C2orf78: variants seen among roughly 807,000 people sequenced by gnomAD.
The protein encoded by C2orf78 is uncharacterized protein C2orf78.
In C2orf78, 12 loss-of-function variants were observed where a neutral mutation model predicts 21.4. The observed-to-expected ratio is 0.56, with a 90% CI of 0.36 to 0.91. The LOEUF is 0.91. Ranked by LOEUF, C2orf78 falls within the 40% of genes least tolerant of loss-of-function variation. The pLI is 0.01. For synonymous variants in C2orf78, 396 were observed against 413.9 expected (o/e 0.96, Z 0.52); for missense variants, 1,042 against 1,092.4 (o/e 0.95, Z 0.65).
intron 2 of C2orf78, 60 bp downstream of exon 2, chr2:73,814,286 T>C: frequency 1.3e-6 from 2 of 1,498,456 alleles, no homozygotes; most frequent in Non-Finnish European, 1.8e-6. Flanking sequence ...GAGGGTCAAA[T>C]CTGTAGCGAG....
At chr2:73,809,409 G>A (rs1370969130) in intron 1 of C2orf78, among the ~76,000 whole-genome samples, 1 of 151,848 alleles carries the variant, frequency 6.6e-6, no homozygotes, top group Non-Finnish European at 1.5e-5. Context: ...TGTAATCTCA[G>A]CACTTTGGGA....
intron 1 of C2orf78, among the ~76,000 whole-genome samples, chr2:73,807,959 T>C (rs964672466): frequency 6.6e-6 from 1 of 151,016 alleles, no homozygotes. Context: ...CTTTGGCCCT[T>C]AAAATCGGCA....
intron 1 of C2orf78, among the ~76,000 whole-genome samples, chr2:73,810,342 A>G (rs7419346): frequency 0.57 from 85,802 of 151,376 alleles, 25,716 homozygotes; most frequent in East Asian, 0.7. Flanking sequence ...AGCCTGACCA[A>G]CATGGAGAAA....
intron 1 of C2orf78, among the ~76,000 whole-genome samples, chr2:73,812,666 G>A (rs1446962123): frequency 6.6e-6 from 1 of 152,090 alleles, no homozygotes; most frequent in Non-Finnish European, 1.5e-5. Flanking sequence ...GCCAGGCAGA[G>A]TGGCTGCCTG....
chr2:73,816,432 C>A lies in C2orf78; in HGVS notation c.2209C>A (p.Arg737=), dbSNP rs200098199. 1.2e-5 allele frequency: 20 copies of A among 1,613,928 alleles called. No homozygotes were observed. The African/African-American group carries it at 2.5e-4, about 20-fold the overall frequency. Residue 737 remains arginine (R), a synonymous_variant, in exon 3 of 3, where the codon CGG becomes AGG. Transcript: ENST00000409561. Reference sequence around the variant, plus strand: ...ACCTCAAGCTCGACATGTTTCTCGGCGGCCAAACCCTCTAGCCTCACGTAG... The same window carrying A: ...ACCTCAAGCTCGACATGTTTCTCGGAGGCCAAACCCTCTAGCCTCACGTAG...
exon 2 of C2orf78, chr2:73,813,570 T>C (rs1192354019): frequency 6.2e-7 from 1 of 1,614,032 alleles, no homozygotes; most frequent in East Asian, 2.2e-5. Flanking sequence ...ACAGGAAGCA[T>C]CTCCAACTTC....
At chr2:73,809,650 TG>T (rs901332950) in intron 1 of C2orf78, among the ~76,000 whole-genome samples, 3 of 151,954 alleles carry the variant, frequency 2.0e-5, no homozygotes, top group Non-Finnish European at 4.4e-5. Flanking sequence ...CAGCCAGGGT[TG>T]GGGGTGTGCC....
rs77601959 is a variant in C2orf78 at position 73,814,362 on chromosome 2, C to T, written c.847+136C>T. ...TCAACCACTATTCTTTGGCAGTGCT[C>T]TCCATTTTCAGACTCTATATAAGAA... On this transcript the variant is annotated intron_variant, in intron 2 of 2. Transcript: ENST00000409561. The T allele has an allele frequency of 5.0e-6, 5 of 1,000,484 alleles. No individual in the cohort carries two copies. The East Asian group carries it at 9.7e-5, about 19-fold the overall frequency. 62.0% of individuals were successfully genotyped at this position (1,000,484 alleles called of 1,614,324 possible).
In C2orf78 at chr2:73,816,840, G is replaced by A. The variant is rs555403425; in HGVS notation, c.2617G>A (p.Glu873Lys). ...GCCAGTAATGTCAACGCCCATCACA[G>A]AAGAGCAGAGGCCAGAGCGTGAGGC... Residue 873 changes from glutamate (E) to lysine (K), a missense_variant, in exon 3 of 3, where the codon GAA becomes AAA. Physicochemically the swap from Glu to Lys is moderately conservative, Grantham distance 56. Transcript: ENST00000409561. The A allele has an allele frequency of 1.9e-6, 3 of 1,614,028 alleles. No individual in the cohort carries two copies. In the Admixed American group the frequency reaches 5.0e-5, roughly 27 times the overall value.
At chr2:73,808,590 C>G (rs1673006739) in intron 1 of C2orf78, 1 of 150,370 alleles carries the variant, frequency 6.7e-6, no homozygotes, top group Non-Finnish European at 1.5e-5. Context: ...ACCTTTCCTA[C>G]CACCTCTGCC....
Position 73,807,757 on chromosome 2 carries a change from A to G in C2orf78, c.98-5720A>G, listed in dbSNP as rs7599378. Among the ~76,000 whole-genome samples, 1,025 of 133,544 alleles carry G rather than the reference A, an allele frequency of 7.7e-3. 37 individuals are homozygous for G. Among genetic ancestry groups the G allele is most frequent in the Middle Eastern group, 0.04 (11 of 278 alleles). The allele number at this position is 133,544 out of a possible 152,430, so 87.6% of individuals were successfully genotyped here. Reference sequence around the variant, plus strand: ...AAGATCAAGGCTTGGCCCAGAAACAATGCCTAAAATCAAGGGGTTAAAAAT... The same window carrying G: ...AAGATCAAGGCTTGGCCCAGAAACAGTGCCTAAAATCAAGGGGTTAAAAAT... On this transcript the variant is annotated intron_variant, in intron 1 of 2. Transcript: ENST00000409561.
chr2:73,811,936 T>C (rs1435454182), intron 1 of C2orf78, among the ~76,000 whole-genome samples: 2 of 152,198 alleles, frequency 1.3e-5, no homozygotes, highest in Non-Finnish European at 2.9e-5. Flanking sequence ...TTTACACTTA[T>C]TTTTTGCATT....
exon 3 of C2orf78, chr2:73,817,134 C>G: frequency 4.1e-6 from 4 of 987,372 alleles, no homozygotes; most frequent in Admixed American, 3.5e-5. Flanking sequence ...AATAAAGAGG[C>G]CTTTTGAGTT....
At chr2:73,813,732 C>T in exon 2 of C2orf78, 1 of 1,614,026 alleles carries the variant, frequency 6.2e-7, no homozygotes, top group Non-Finnish European at 8.5e-7. Flanking sequence ...CATATCTGTA[C>T]TTCAGCTGCC....
At chr2:73,785,313 CAAAA>C (rs1454525246) in intron 1 of C2orf78, among the ~76,000 whole-genome samples, 5 of 124,094 alleles carry the variant, frequency 4.0e-5, no homozygotes, top group Non-Finnish European at 8.1e-5. Flanking sequence ...AACAAACAAA[CAAAA>C]AAGAAAAGTA....
At position 73,816,560 on chromosome 2, in the gene C2orf78, T is replaced by A. The variant is rs781260412; in HGVS notation, c.2337T>A (p.Gly779=). 5.0e-6 allele frequency: 8 copies of A among 1,611,560 alleles called. No individual in the cohort carries two copies. The East Asian group carries it at 1.8e-4, about 36-fold the overall frequency. The change falls in exon 3 of 3, where the codon GGT becomes GGA. Residue 779 remains glycine, a synonymous_variant. Transcript: ENST00000409561. ...CTCCTACCAACACATCTTTGACAGG[T>A]CCTGCCACACCAGCTCAGCCAATTT...
At chr2:73,813,755 G>T (rs372161266) in exon 2 of C2orf78, 8 of 1,614,030 alleles carry the variant, frequency 5.0e-6, no homozygotes, top group East Asian at 2.2e-5. Flanking sequence ...TTATCCAGGC[G>T]TTTTTGAGTG....
At chr2:73,816,892 G>A (rs748756915) in exon 3 of C2orf78, 4 of 1,613,658 alleles carry the variant, frequency 2.5e-6, no homozygotes, top group South Asian at 2.2e-5. Flanking sequence ...CAACAAGAGC[G>A]TGAGAATGCT....
At position 73,816,944 on chromosome 2, in the gene C2orf78, AAGGGAAAG is replaced by A. The variant is rs1366202965; in HGVS notation, c.2724_2731del (p.Glu909TyrfsTer5). On this transcript the variant is annotated frameshift_variant, in exon 3 of 3. Transcript: ENST00000409561. LOFTEE classifies it high-confidence loss of function. ...TGGGGAAAGTGCAGTTTTTCATTGA[AAGGGAAAG>A]AGATATGGAAATTGCTGAATACTAT... The A allele has an allele frequency of 1.2e-6, 2 of 1,611,648 alleles. No homozygotes were observed. The highest frequency in any genetic ancestry group is 1.7e-6 in the Non-Finnish European group (2 of 1,178,828).
Sources: gnomAD v4.1 joint callset for allele counts (sites outside exome capture counted in the v4.1 genomes callset) on GRCh38, gnomAD v4.1.1 for gene constraint, MANE v1.5 for transcripts, NCBI Gene and HGNC (gene_info 2026-07-23, HGNC 2026-07-21) for gene names.